The following PRDM5 variants were observed in gnomAD, a reference collection of about 807,000 sequenced individuals.
The protein encoded by PRDM5 is PR/SET domain 5.
PRDM5 carries 56 observed loss-of-function variants against 81.2 expected under a neutral mutation model. The observed-to-expected ratio is 0.69, with a 90% CI of 0.56 to 0.86. The LOEUF is 0.86. Among genes scored for constraint, PRDM5 ranks in the 40% least tolerant of loss-of-function variants. The probability of loss-of-function intolerance (pLI) is 0.00; values close to 1 mark genes in which losing one functional copy is unlikely to be tolerated. For missense variants in PRDM5, 697 were observed against 770.1 expected, an observed-to-expected ratio of 0.91 and a Z score of 1.12; for synonymous variants, 267 against 256.4, an observed-to-expected ratio of 1.04 and a Z score of -0.39.
At chr4:120,713,493 T>C (rs1737309300) in intron 14 of PRDM5, among the ~76,000 whole-genome samples, 1 of 152,188 alleles carries the variant, frequency 6.6e-6, no homozygotes, top group Non-Finnish European at 1.5e-5. Flanking sequence ...GCACTACTAT[T>C]ATCCTATTTG....
intron 1 of PRDM5, among the ~76,000 whole-genome samples, chr4:120,922,279 A>T (rs1050225038): frequency 4.6e-5 from 7 of 152,080 alleles, no homozygotes; most frequent in Non-Finnish European, 5.9e-5. Context: ...ACCGGCCGGC[A>T]GCGGAGCGCA....
At chr4:120,686,815 C>A (rs1733852635) in intron 1 of PRDM5, among the ~76,000 whole-genome samples, 1 of 151,810 alleles carries the variant, frequency 6.6e-6, no homozygotes, top group Admixed American at 6.6e-5. Flanking sequence ...TTAATTTAAT[C>A]ATCAGATACA....
At chr4:120,699,839 G>T (rs978606969) in intron 15 of PRDM5, among the ~76,000 whole-genome samples, 2 of 151,838 alleles carry the variant, frequency 1.3e-5, no homozygotes, top group Non-Finnish European at 2.9e-5. Context: ...TGGCCATACT[G>T]CTCAAAGCAA....
At chr4:120,814,867 C>A (rs1327570015) in intron 7 of PRDM5, among the ~76,000 whole-genome samples, 1 of 152,186 alleles carries the variant, frequency 6.6e-6, no homozygotes, top group Admixed American at 6.5e-5. Flanking sequence ...AGATTTTACA[C>A]TTTATATGGT....
rs1408978056 is a variant in PRDM5, at chr4:120,871,222, C to T, written c.178-17682G>A. 3.3e-5 allele frequency among the ~76,000 whole-genome samples: 5 copies of T among 152,112 alleles called. 1 individual carries two copies. The highest frequency in any genetic ancestry group is 2.0e-4 in the Admixed American group (3 of 15,274). On this transcript the variant is annotated intron_variant, in intron 2 of 15. Coordinates refer to ENST00000264808, the MANE Select transcript of PRDM5 (RefSeq NM_018699.4). The stretch of plus-strand genomic sequence containing the variant: ...GTTGTTGTTGTTGTTGTTCTGTCAT[C>T]GAACAGGAAAGCTAAGCCTTCACCG...
At chr4:120,837,832 A>G (rs1757535159) in intron 3 of PRDM5, 1 of 152,198 alleles carries the variant, frequency 6.6e-6, no homozygotes, top group South Asian at 2.1e-4. Flanking sequence ...TGCAAAACTA[A>G]TAAAACAGAC....
chr4:120,862,062 A>G (rs1433570326), intron 2 of PRDM5, among the ~76,000 whole-genome samples: 2 of 152,202 alleles, frequency 1.3e-5, no homozygotes, highest in Admixed American at 6.5e-5. Flanking sequence ...ACATAACTTG[A>G]CAGAGAAACC....
chr4:120,877,703 G>C (rs556096274), intron 2 of PRDM5, among the ~76,000 whole-genome samples: 1 of 152,304 alleles, frequency 6.6e-6, no homozygotes, highest in African/African-American at 2.4e-5. Context: ...TTCTTGGGAG[G>C]CTGAGGCAGC....
intron 1 of PRDM5, among the ~76,000 whole-genome samples, chr4:120,911,498 C>T (rs1479101947): frequency 6.6e-6 from 1 of 152,208 alleles, no homozygotes; most frequent in Non-Finnish European, 1.5e-5. Flanking sequence ...TCCATTCAAT[C>T]TTCTATTCAC....
At chr4:120,730,756 G>A (rs1427012287) in intron 14 of PRDM5, among the ~76,000 whole-genome samples, 4 of 151,740 alleles carry the variant, frequency 2.6e-5, no homozygotes, top group African/African-American at 9.7e-5. Context: ...TAATACAGTG[G>A]TGGTGAAGCA....
intron 14 of PRDM5, chr4:120,731,887 T>A (rs1400328334): frequency 6.6e-6 from 1 of 152,140 alleles, no homozygotes; most frequent in East Asian, 1.9e-4. Flanking sequence ...AACCCCTTCA[T>A]GTTTAAGAGA....
intron 14 of PRDM5, among the ~76,000 whole-genome samples, chr4:120,748,247 G>A (rs181486628): frequency 6.6e-6 from 1 of 152,288 alleles, no homozygotes; most frequent in East Asian, 1.9e-4. Flanking sequence ...GAGATAAGAA[G>A]GGAAAGGTCT....
intron 2 of PRDM5, among the ~76,000 whole-genome samples, chr4:120,858,556 T>G (rs913811574): frequency 2.0e-5 from 3 of 152,026 alleles, no homozygotes; most frequent in African/African-American, 4.8e-5. Context: ...TTTGCTTGTG[T>G]GTGCTTATGA....
chr4:120,747,980 T>C (rs898316518), intron 14 of PRDM5, among the ~76,000 whole-genome samples: 1 of 152,244 alleles, frequency 6.6e-6, no homozygotes, highest in African/African-American at 2.4e-5. Context: ...CGTAAACAGT[T>C]ACAAACAACA....
chr4:120,804,813 A>T lies in PRDM5; in HGVS notation c.946-5068T>A, dbSNP rs184359381. On this transcript the variant is annotated intron_variant, in intron 8 of 15. Coordinates refer to ENST00000264808, the MANE Select transcript of PRDM5 (RefSeq NM_018699.4). ...GAACTAGAGAAGCAAGAACAAACAC[A>T]TCCAAAAGCTAGCAGAAGGCAAGAA... Among the ~76,000 whole-genome samples, 6 of 152,302 alleles carry T rather than the reference A, an allele frequency of 3.9e-5. No individual in the cohort carries two copies. In the South Asian group the frequency reaches 1.0e-3, roughly 26 times the overall value.
intron 7 of PRDM5, chr4:120,816,141 C>A (rs1578853348): frequency 1.2e-5 from 4 of 333,580 alleles, no homozygotes; most frequent in Admixed American, 9.4e-5. Flanking sequence ...ATGTCACATG[C>A]CAAAACATTT....
At chr4:120,809,358 G>A (rs373005713) in intron 8 of PRDM5, among the ~76,000 whole-genome samples, 6 of 152,038 alleles carry the variant, frequency 3.9e-5, no homozygotes, top group South Asian at 2.1e-4. Flanking sequence ...AAACCTGCAC[G>A]TTGTGCACAT....
chr4:120,792,998 AT>A (rs1484968568), intron 10 of PRDM5, among the ~76,000 whole-genome samples: 1 of 152,114 alleles, frequency 6.6e-6, no homozygotes, highest in African/African-American at 2.4e-5. Flanking sequence ...AGTTCTAGAG[AT>A]GTATACTACA....
At chr4:120,784,800 T>C (rs889344687) in intron 11 of PRDM5, among the ~76,000 whole-genome samples, 198 bp downstream of exon 11, 1 of 151,974 alleles carries the variant, frequency 6.6e-6, no homozygotes, top group African/African-American at 2.4e-5. Context: ...CATAAAATAA[T>C]TAATATTACT....
Sources: allele counts gnomAD v4.1 joint callset (sites outside exome capture counted in the v4.1 genomes callset), GRCh38; gene constraint gnomAD v4.1.1; transcripts MANE v1.5; gene names NCBI Gene and HGNC (gene_info 2026-07-23, HGNC 2026-07-21).